Variants in ZFHX3 observed in about 807,000 individuals in gnomAD.
ZFHX3 encodes the protein zinc finger homeobox protein 3.
ZFHX3 carries 42 observed loss-of-function variants against 279.1 expected under a neutral mutation model. The ratio of observed to expected loss-of-function variants is 0.15; its 90% CI spans 0.12 to 0.19. The LOEUF (loss-of-function observed/expected upper bound fraction) is 0.19. ZFHX3 is among the 10% of genes least tolerant of loss of function. The pLI is 1.00. For synonymous variants in ZFHX3, 2,293 were observed against 1,957.8 expected (o/e 1.17, Z -4.52); for missense variants, 4,981 against 4,754.0 (o/e 1.05, Z -1.40).
chr16:72,954,557 T>C (rs1046729961), intron 2 of ZFHX3, among the ~76,000 whole-genome samples: 37 of 152,146 alleles, frequency 2.4e-4, no homozygotes, highest in African/African-American at 8.4e-4. Context: ...AGGCACACTC[T>C]GGAATGAAAG....
At chr16:73,028,725 C>T (rs1964596952) in intron 1 of ZFHX3, among the ~76,000 whole-genome samples, 1 of 152,206 alleles carries the variant, frequency 6.6e-6, no homozygotes, top group Non-Finnish European at 1.5e-5. Context: ...CCGGGCCCAT[C>T]CCTGGGAAAG....
chr16:73,051,894 G>A (rs1837120798), upstream of ZFHX3, among the ~76,000 whole-genome samples: 1 of 152,176 alleles, frequency 6.6e-6, no homozygotes, highest in Non-Finnish European at 1.5e-5. Context: ...AACACAGGGG[G>A]ATTCTTACAT....
At chr16:73,389,067 C>T (rs937755721) in intron 3 of ZFHX3, 1 of 152,168 alleles carries the variant, frequency 6.6e-6, no homozygotes, top group Non-Finnish European at 1.5e-5. Flanking sequence ...TGCAAAGACG[C>T]GCATATGTAT....
chr16:72,819,288 A>G (rs2036710234), intron 5 of ZFHX3, among the ~76,000 whole-genome samples: 1 of 145,148 alleles, frequency 6.9e-6, no homozygotes, highest in South Asian at 2.1e-4. Flanking sequence ...CCTGTCATAC[A>G]CCTTCCCTGT....
chr16:73,016,067 T>C (rs1393789523), intron 1 of ZFHX3: 1 of 152,196 alleles, frequency 6.6e-6, no homozygotes, highest in Non-Finnish European at 1.5e-5. Flanking sequence ...TAGTCTTCTC[T>C]CTTACGCAAA....
chr16:73,112,481 G>C (rs957697954), intron 7 of ZFHX3, among the ~76,000 whole-genome samples: 5 of 152,060 alleles, frequency 3.3e-5, no homozygotes, highest in African/African-American at 9.7e-5. Flanking sequence ...GGGAGGCTGA[G>C]GTGGGTGGAT....
At chr16:73,606,610 T>C (rs540279784) in intron 2 of ZFHX3, among the ~76,000 whole-genome samples, 1 of 152,288 alleles carries the variant, frequency 6.6e-6, no homozygotes, top group East Asian at 1.9e-4. Flanking sequence ...CTGGGCTACA[T>C]ATGCAGGATG....
At chr16:73,746,153 T>C (rs57363679) in intron 1 of ZFHX3, among the ~76,000 whole-genome samples, 22,004 of 152,052 alleles carry the variant, frequency 0.14, 1,632 homozygotes, top group Admixed American at 0.15. Flanking sequence ...AAATCAAGCA[T>C]ATCATTTGAT....
chr16:73,362,580 A>G (rs2016451294), intron 3 of ZFHX3, among the ~76,000 whole-genome samples: 1 of 152,196 alleles, frequency 6.6e-6, no homozygotes, highest in African/African-American at 2.4e-5. Context: ...TCACAAAGAA[A>G]CATTCAGAAC....
chr16:73,046,591 C>T (rs1414032609), intron 1 of ZFHX3, among the ~76,000 whole-genome samples: 9 of 152,070 alleles, frequency 5.9e-5, no homozygotes, highest in Non-Finnish European at 1.5e-5. Flanking sequence ...GAGGGGCCAA[C>T]TCTACAAACT....
intron 3 of ZFHX3, among the ~76,000 whole-genome samples, chr16:73,441,606 A>G (rs2018094345): frequency 6.6e-6 from 1 of 152,150 alleles, no homozygotes; most frequent in African/African-American, 2.4e-5. Context: ...GACGCATACC[A>G]ATAGGAAGTT....
chr16:73,315,062 T>C lies in ZFHX3; in HGVS notation c.-1194+3178A>G, dbSNP rs149714956. On this transcript the variant is annotated intron_variant, in intron 4 of 17. Transcript: ENST00000641206. ...GGCCAACGTAGTGAAACCCTGTCTC[T>C]ACTAAAAATACAAAAATTAGTTGGA... Among the ~76,000 whole-genome samples, 48 of 152,180 alleles carry C rather than the reference T, an allele frequency of 3.2e-4. No homozygotes were observed. The South Asian group carries it at 5.4e-3, about 17-fold the overall frequency.
At chr16:73,819,085 A>G (rs1376049950) in intron 1 of ZFHX3, among the ~76,000 whole-genome samples, 3 of 152,114 alleles carry the variant, frequency 2.0e-5, no homozygotes, top group Admixed American at 6.6e-5. Context: ...ACTGAGGTCA[A>G]TGGTACACCG....
chr16:73,761,030 G>C (rs965339394), intron 1 of ZFHX3, among the ~76,000 whole-genome samples: 1 of 151,690 alleles, frequency 6.6e-6, no homozygotes, highest in Non-Finnish European at 1.5e-5. Flanking sequence ...AAGAGGAAGA[G>C]AGGAGGTCAA....
At chr16:73,607,969 A>C (rs1156945603) in intron 2 of ZFHX3, among the ~76,000 whole-genome samples, 1 of 152,022 alleles carries the variant, frequency 6.6e-6, no homozygotes, top group Non-Finnish European at 1.5e-5. Context: ...CTACTCAGGA[A>C]GCTGAGAGGT....
intron 4 of ZFHX3, among the ~76,000 whole-genome samples, chr16:72,840,447 G>T (rs1023689621): frequency 6.6e-6 from 1 of 152,212 alleles, no homozygotes; most frequent in African/African-American, 2.4e-5. Flanking sequence ...CAATGCTGGG[G>T]AGACACAGTT....
intron 3 of ZFHX3, among the ~76,000 whole-genome samples, chr16:73,452,449 C>T (rs1278675276): frequency 3.3e-5 from 5 of 152,092 alleles, no homozygotes; most frequent in African/African-American, 1.2e-4. Flanking sequence ...GGCAGAAAGA[C>T]ACTAAAAAAT....
At chr16:72,814,456 T>A (rs561989588) in intron 5 of ZFHX3, among the ~76,000 whole-genome samples, 1 of 152,260 alleles carries the variant, frequency 6.6e-6, no homozygotes, top group South Asian at 2.1e-4. Context: ...GCAAACACAG[T>A]AACCCAGTGC....
At chr16:72,816,296 T>C (rs1016662553) in intron 5 of ZFHX3, among the ~76,000 whole-genome samples, 17 of 152,234 alleles carry the variant, frequency 1.1e-4, no homozygotes, top group Admixed American at 3.3e-4. Flanking sequence ...TTTTGGCAGT[T>C]ATAAAATATG....
Sources: allele counts gnomAD v4.1 joint callset (sites outside exome capture counted in the v4.1 genomes callset), GRCh38; gene constraint gnomAD v4.1.1; transcripts MANE v1.5; gene names NCBI Gene and HGNC (gene_info 2026-07-23, HGNC 2026-07-21).